The following UGT3A1 variants were observed in gnomAD, a reference collection of about 807,000 sequenced individuals.
UGT3A1 encodes UDP-glycosyltransferase 3A1.
Under a neutral mutation model 37.6 loss-of-function variants are expected in UGT3A1, and 40 were observed. The ratio of observed to expected loss-of-function variants is 1.06; its 90% CI spans 0.83 to 1.38. The LOEUF (loss-of-function observed/expected upper bound fraction) is 1.38. UGT3A1 is among the 40% of genes most tolerant of loss of function. The pLI is 0.00. For missense variants in UGT3A1, 642 were observed against 634.2 expected (o/e 1.01, Z -0.13); for synonymous variants, 256 against 232.3 (o/e 1.10, Z -0.93).
At chr5:35,980,673 CA>C (rs1490076486) in intron 2 of UGT3A1, among the ~76,000 whole-genome samples, 4 of 152,180 alleles carry the variant, frequency 2.6e-5, no homozygotes, top group African/African-American at 9.7e-5. Context: ...ATAAGCTTTC[CA>C]AGCAGCTGGA....
chr5:35,982,131 G>C (rs911564840), intron 2 of UGT3A1, among the ~76,000 whole-genome samples: 7 of 152,238 alleles, frequency 4.6e-5, no homozygotes, highest in African/African-American at 1.7e-4. Context: ...TTCATGTCCA[G>C]GTAGAAGTCT....
chr5:35,957,598 G>C (rs952194962), intron 4 of UGT3A1, among the ~76,000 whole-genome samples, 179 bp from the exon 5 acceptor site: 1 of 152,136 alleles, frequency 6.6e-6, no homozygotes, highest in South Asian at 2.1e-4. Flanking sequence ...TGCTCATATT[G>C]TGTCTGGATG....
intron 4 of UGT3A1, among the ~76,000 whole-genome samples, chr5:35,958,017 C>T (rs1263173360): frequency 1.3e-5 from 2 of 152,126 alleles, no homozygotes; most frequent in Non-Finnish European, 2.9e-5. Context: ...TCCTCAATTC[C>T]ATCAATTATT....
At chr5:35,990,333 C>T (rs1329988412) in intron 1 of UGT3A1, among the ~76,000 whole-genome samples, 1 of 152,006 alleles carries the variant, frequency 6.6e-6, no homozygotes. Flanking sequence ...CCCTGATTCT[C>T]CGTGATCTAA....
upstream of UGT3A1, among the ~76,000 whole-genome samples, chr5:35,993,835 T>C (rs113435916): frequency 6.6e-6 from 1 of 152,298 alleles, no homozygotes; most frequent in African/African-American, 2.4e-5. Context: ...CCAGGATCTC[T>C]TTCCTCCAGG....
intron 2 of UGT3A1, among the ~76,000 whole-genome samples, chr5:35,968,375 G>A (rs1446305748): frequency 6.6e-6 from 1 of 152,004 alleles, no homozygotes; most frequent in Non-Finnish European, 1.5e-5. Context: ...TCCACTTAAA[G>A]CTTTCATTTA....
intron 3 of UGT3A1, 119 bp downstream of exon 3, chr5:35,967,900 A>G: frequency 1.4e-6 from 1 of 739,334 alleles, no homozygotes; most frequent in Non-Finnish European, 2.3e-6. Flanking sequence ...CTATTTCTCC[A>G]TCTATCCATC....
chr5:35,999,222 G>A (rs1580974477), intron 1 of UGT3A1, among the ~76,000 whole-genome samples: 1 of 141,628 alleles, frequency 7.1e-6, no homozygotes, highest in East Asian at 2.1e-4. Context: ...GGGCCACAGA[G>A]AGAGACTCCA....
rs763231809 is a variant in UGT3A1, at chr5:35,957,239, A to G, written c.1024T>C (p.Leu342=). The part of the protein sequence containing the change: ...QSSHWPRDVH[L]ATNVKIVDWL... ...TCCACAATTTTCACATTTGTGGCCA[A>G]ATGAACATCTCTGGGCCAATGAGAA... is the stretch of plus-strand genomic sequence containing the variant. Residue 342 remains leucine (L), a synonymous_variant, in exon 5 of 7, where the codon TTG becomes CTG. Coordinates refer to ENST00000274278, the MANE Select transcript of UGT3A1 (RefSeq NM_152404.4). 2.5e-6 allele frequency: 4 copies of G among 1,614,156 alleles called. No homozygotes were observed. The highest frequency in any genetic ancestry group is 2.2e-5 in the South Asian group (2 of 91,074).
intron 2 of UGT3A1, among the ~76,000 whole-genome samples, chr5:35,981,671 A>G (rs569679853): frequency 6.6e-6 from 1 of 152,346 alleles, no homozygotes; most frequent in South Asian, 2.1e-4. Flanking sequence ...TAGCATAAAC[A>G]TTTGAAAAAT....
chr5:35,974,646 T>C (rs1740189067), intron 2 of UGT3A1, among the ~76,000 whole-genome samples: 1 of 152,238 alleles, frequency 6.6e-6, no homozygotes, highest in Admixed American at 6.5e-5. Context: ...GCAGCTGCTC[T>C]TCCAGATAAT....
Position 35,957,385 on chromosome 5 carries a change from G to A in UGT3A1, c.878C>T (p.Ala293Val), listed in dbSNP as rs189370017. 33 of 1,614,142 alleles carry A rather than the reference G, an allele frequency of 2.0e-5. No individual in the cohort carries two copies. The African/African-American group carries it at 2.9e-4, about 14-fold the overall frequency. ...GCCAAAGGCCACAAGGACAAACCCT[G>A]CATCCCCAAAGTTGGCAATGAAGTT... ...LDNFIANFGDAGFVLVAFGSM... is the reference protein window; with the variant it reads ...LDNFIANFGDVGFVLVAFGSM... The change falls in exon 5 of 7, where the codon GCA (alanine) becomes GTA (valine). Residue 293 changes from alanine (A) to valine (V), a missense_variant. Physicochemically the swap from Ala to Val is moderately conservative, Grantham distance 64 (BLOSUM62 0). Transcript: ENST00000274278.
intron 6 of UGT3A1, 73 bp downstream of exon 6, chr5:35,955,572 T>C: frequency 3.3e-6 from 5 of 1,537,926 alleles, no homozygotes; most frequent in Non-Finnish European, 4.5e-6. Context: ...TTGTGAAAAA[T>C]ACATACACAG....
At chr5:35,983,841 T>C (rs1444387921) in intron 2 of UGT3A1, among the ~76,000 whole-genome samples, 1 of 151,918 alleles carries the variant, frequency 6.6e-6, no homozygotes, top group Non-Finnish European at 1.5e-5. Flanking sequence ...TCAGTAAAAT[T>C]CAACACCTTT....
intron 5 of UGT3A1, 87 bp from the exon 6 acceptor site, chr5:35,955,951 A>G (rs373428697): frequency 7.6e-7 from 1 of 1,315,502 alleles, no homozygotes; most frequent in East Asian, 2.4e-5. Flanking sequence ...ATGAAACACC[A>G]ATGAAATCAA....
chr5:35,989,035 C>T (rs889711878), intron 1 of UGT3A1, among the ~76,000 whole-genome samples: 2 of 152,208 alleles, frequency 1.3e-5, no homozygotes, highest in Non-Finnish European at 2.9e-5. Context: ...AAGTATGCTA[C>T]TGTAGGAGAC....
At position 35,999,226 on chromosome 5, in the gene UGT3A1, G is replaced by C. The variant is rs1195480956; in HGVS notation, c.-160+1742C>G. Among the ~76,000 whole-genome samples the C allele has an allele frequency of 2.3e-5, 3 of 132,526 alleles. No individual in the cohort carries two copies. In the East Asian group the frequency reaches 6.9e-4, roughly 31 times the overall value. 86.9% of individuals were successfully genotyped at this position (132,526 alleles called of 152,430 possible). A position where few individuals can be genotyped will look rare whatever the true frequency, so the allele number is the denominator to read the frequency against. On this transcript the variant is annotated intron_variant, in intron 1 of 5. Coordinates refer to the UGT3A1 transcript ENST00000625798. ...CACTCCAGCCTGGGCCACAGAGAGAGACTCCATCTCAAAAAAAAAAAAAAA... is the reference window on the plus strand; with the variant it reads ...CACTCCAGCCTGGGCCACAGAGAGACACTCCATCTCAAAAAAAAAAAAAAA...
rs1452747800 is a variant in UGT3A1, at chr5:35,953,942, G to A, written c.*260C>T. 2.3e-6 allele frequency: 1 copy of A among 442,500 alleles called. No homozygotes were observed. The highest frequency in any genetic ancestry group is 4.1e-6 in the Non-Finnish European group (1 of 245,236). The allele number at this position is 442,500 out of a possible 1,614,324, so 27.4% of individuals were successfully genotyped here. On this transcript the variant is annotated 3_prime_UTR_variant, in exon 7 of 7. Coordinates refer to ENST00000274278, the MANE Select transcript of UGT3A1 (RefSeq NM_152404.4). Reference sequence around the variant, plus strand: ...TGAAGTTGTCAGAGTCCTGTGTCTAGGAAAAGGGAGAAAGGAGGAGGCAGG... The same window carrying A: ...TGAAGTTGTCAGAGTCCTGTGTCTAAGAAAAGGGAGAAAGGAGGAGGCAGG...
chr5:35,957,193 A>T lies in UGT3A1; in HGVS notation c.1070T>A (p.Leu357His). The change falls in exon 5 of 7, where the codon CTC (leucine) becomes CAC (histidine). Residue 357 changes from leucine (L) to histidine (H), a missense_variant. Physicochemically the swap from Leu to His is moderately conservative, Grantham distance 99 (BLOSUM62 -3). Transcript: ENST00000274278. ...CAGACCTAAGCAGTCCTTACCCAGG[A>T]GGTCACTCTGAGGAAGCCAGTCCAC... ...KIVDWLPQSDLLAHPSIRLFV... is the reference protein window; with the variant it reads ...KIVDWLPQSDHLAHPSIRLFV... 1 of 1,613,838 alleles carries T rather than the reference A, an allele frequency of 6.2e-7. No individual in the cohort carries two copies. The highest frequency in any genetic ancestry group is 8.5e-7 in the Non-Finnish European group (1 of 1,179,746).
Sources: allele counts gnomAD v4.1 joint callset (sites outside exome capture counted in the v4.1 genomes callset), GRCh38; gene constraint gnomAD v4.1.1; transcripts MANE v1.5; gene names NCBI Gene and HGNC (gene_info 2026-07-23, HGNC 2026-07-21).